PALM2AKAP2: variants seen among roughly 807,000 people sequenced by gnomAD.
PALM2AKAP2 encodes PALM2-AKAP2 fusion protein.
A neutral mutation model predicts 71.5 loss-of-function variants in PALM2AKAP2; 37 were observed. That is an observed-to-expected ratio of 0.52 (90% confidence interval 0.40 to 0.68). The LOEUF (loss-of-function observed/expected upper bound fraction) is 0.68, where lower values mean the gene tolerates loss of function less well. Ranked by LOEUF, PALM2AKAP2 falls within the 30% of genes least tolerant of loss-of-function variation. PALM2AKAP2 has a pLI of 0.00. For synonymous variants in PALM2AKAP2, 468 were observed against 478.8 expected (o/e 0.98, Z 0.29); for missense variants, 1,224 against 1,191.8 (o/e 1.03, Z -0.40).
rs546990714 is a variant in PALM2AKAP2 at position 109,841,883 on chromosome 9, GAGAT to G, written c.46-25604_46-25601del. 1.9e-3 allele frequency among the ~76,000 whole-genome samples: 213 copies of G among 111,746 alleles called. 2 individuals carry two copies. The highest frequency in any genetic ancestry group is 7.0e-3 in the African/African-American group (200 of 28,520). 73.3% of individuals were successfully genotyped at this position (111,746 alleles called of 152,430 possible). A position where few individuals can be genotyped will look rare whatever the true frequency, so the allele number is the denominator to read the frequency against. On this transcript the variant is annotated intron_variant, in intron 1 of 9. Coordinates refer to the PALM2AKAP2 transcript ENST00000302798. ...GTGGGGGGATGGAGGGGAGGGTAGA[GAGAT>G]AGAGGAGAAGTTGGAAGGATAGAGG...
At chr9:109,726,384 G>A (rs1371001282) in intron 1 of PALM2AKAP2, among the ~76,000 whole-genome samples, 1 of 152,224 alleles carries the variant, frequency 6.6e-6, no homozygotes, top group Non-Finnish European at 1.5e-5. Context: ...CATCTGCCGG[G>A]TCAGCAGAGC....
At chr9:110,139,116 A>C (rs2119120203) in intron 2 of PALM2AKAP2, among the ~76,000 whole-genome samples, 1 of 152,346 alleles carries the variant, frequency 6.6e-6, no homozygotes, top group South Asian at 2.1e-4. Context: ...ACTACTTTGG[A>C]ATCAGGAGTG....
intron 6 of PALM2AKAP2, among the ~76,000 whole-genome samples, chr9:109,990,067 C>CTTTTT (rs35739397): frequency 2.0e-4 from 27 of 134,112 alleles, no homozygotes; most frequent in East Asian, 6.3e-4. Context: ...TTCTTTCTTT[C>CTTTTT]TTTTTTTTTT....
chr9:110,158,215 C>T (rs1034998301), intron 3 of PALM2AKAP2, among the ~76,000 whole-genome samples: 3 of 152,208 alleles, frequency 2.0e-5, no homozygotes, highest in Non-Finnish European at 4.4e-5. Flanking sequence ...TAAAGTTTGC[C>T]TTAAGAATTT....
intron 1 of PALM2AKAP2, among the ~76,000 whole-genome samples, chr9:109,805,583 C>T (rs1012940939): frequency 5.9e-5 from 9 of 152,162 alleles, no homozygotes; most frequent in Admixed American, 2.6e-4. Flanking sequence ...CTGTGGCTAT[C>T]AGTTTCGGGG....
At chr9:109,648,176 A>G (rs1460625904) in intron 1 of PALM2AKAP2, among the ~76,000 whole-genome samples, 2 of 152,088 alleles carry the variant, frequency 1.3e-5, no homozygotes, top group Admixed American at 1.3e-4. Flanking sequence ...TTCCACCATG[A>G]TTGTAAGTTT....
chr9:110,154,092 C>T (rs1238610980), intron 2 of PALM2AKAP2, among the ~76,000 whole-genome samples: 1 of 152,132 alleles, frequency 6.6e-6, no homozygotes, highest in Non-Finnish European at 1.5e-5. Context: ...TGAAATTGTT[C>T]ATCTCACCCT....
chr9:109,770,276 A>G (rs61678951), intron 1 of PALM2AKAP2, among the ~76,000 whole-genome samples: 32,986 of 151,460 alleles, frequency 0.22, 3,636 homozygotes, highest in South Asian at 0.33. Flanking sequence ...TTTTTTTTTT[A>G]ACCAGGAGTC....
chr9:109,742,265 A>T (rs1828727177), intron 1 of PALM2AKAP2, among the ~76,000 whole-genome samples: 1 of 23,070 alleles, frequency 4.3e-5, no homozygotes, highest in African/African-American at 3.2e-4. Flanking sequence ...ACACACACAC[A>T]CACACACACA....
intron 3 of PALM2AKAP2, among the ~76,000 whole-genome samples, chr9:109,888,579 A>G (rs918358058): frequency 1.3e-5 from 2 of 152,004 alleles, no homozygotes; most frequent in African/African-American, 4.8e-5. Context: ...GCGTGGTTGC[A>G]GGCGCTTGTA....
At chr9:109,939,365 T>C (rs182301882) in intron 6 of PALM2AKAP2, among the ~76,000 whole-genome samples, 163 of 151,604 alleles carry the variant, frequency 1.1e-3, no homozygotes, top group South Asian at 5.6e-3. Flanking sequence ...AGCATTCTCA[T>C]TGGTGGGAAG....
At chr9:109,941,145 CTTTTTTTTTT>C (rs34635858) in intron 6 of PALM2AKAP2, among the ~76,000 whole-genome samples, 3 of 106,282 alleles carry the variant, frequency 2.8e-5, no homozygotes, top group African/African-American at 1.1e-4. Flanking sequence ...TCTTCCTCTT[CTTTTTTTTTT>C]TTTTTTTTTT....
At chr9:110,155,977 C>T (rs1013216192) in intron 2 of PALM2AKAP2, among the ~76,000 whole-genome samples, 1 of 152,160 alleles carries the variant, frequency 6.6e-6, no homozygotes, top group Non-Finnish European at 1.5e-5. Context: ...AAGGTGCCAC[C>T]ACCTCTGACA....
intron 6 of PALM2AKAP2, among the ~76,000 whole-genome samples, chr9:109,968,410 C>G (rs1831997460): frequency 1.3e-5 from 2 of 152,224 alleles, no homozygotes; most frequent in African/African-American, 2.4e-5. Flanking sequence ...AAGCAGCTCT[C>G]TCTATTTCCT....
At chr9:110,069,737 A>T (rs1834164477) in intron 1 of PALM2AKAP2, among the ~76,000 whole-genome samples, 1 of 152,218 alleles carries the variant, frequency 6.6e-6, no homozygotes, top group Admixed American at 6.5e-5. Flanking sequence ...TCTGCTTTGC[A>T]GAACCTGTGT....
At chr9:110,120,350 G>A (rs548839541) in intron 1 of PALM2AKAP2, among the ~76,000 whole-genome samples, 21 of 152,286 alleles carry the variant, frequency 1.4e-4, no homozygotes, top group Non-Finnish European at 1.5e-4. Flanking sequence ...CAACAGATTC[G>A]GGGTAGAAAT....
intron 7 of PALM2AKAP2, among the ~76,000 whole-genome samples, chr9:110,039,294 T>C (rs571717): frequency 0.67 from 101,505 of 152,104 alleles, 34,436 homozygotes; most frequent in African/African-American, 0.8. Context: ...ATACAATCTA[T>C]CCTCTTAAAG....
intron 1 of PALM2AKAP2, among the ~76,000 whole-genome samples, chr9:109,785,302 T>C (rs1180467024): frequency 1.3e-5 from 2 of 152,236 alleles, no homozygotes; most frequent in African/African-American, 4.8e-5. Context: ...TGCAGTACTT[T>C]ATAATTTATG....
At chr9:109,857,402 T>C (rs1252818960) in intron 1 of PALM2AKAP2, among the ~76,000 whole-genome samples, 1 of 152,240 alleles carries the variant, frequency 6.6e-6, no homozygotes, top group Admixed American at 6.5e-5. Context: ...TCACCAGACA[T>C]TGCTGAAGGT....
Sources: allele counts gnomAD v4.1 joint callset (sites outside exome capture counted in the v4.1 genomes callset), GRCh38; gene constraint gnomAD v4.1.1; transcripts MANE v1.5; gene names NCBI Gene and HGNC (gene_info 2026-07-23, HGNC 2026-07-21).